Variants in ZIM3 observed in about 807,000 individuals in gnomAD.
The protein encoded by ZIM3 is zinc finger imprinted 3.
A neutral mutation model predicts 12.9 loss-of-function variants in ZIM3; 11 were observed. The ratio of observed to expected loss-of-function variants is 0.85; its 90% CI spans 0.54 to 1.41. The LOEUF is 1.41. Ranked by LOEUF, ZIM3 falls within the 40% of genes most tolerant of loss-of-function variation. The probability of loss-of-function intolerance (pLI) is 0.00; values close to 1 mark genes in which losing one functional copy is unlikely to be tolerated. For synonymous variants in ZIM3, 205 were observed against 198.5 expected (o/e 1.03, Z -0.28); for missense variants, 604 against 557.2 (o/e 1.08, Z -0.85).
In ZIM3 at chr19:57,136,039, G is replaced by C; in HGVS notation, c.298C>G (p.Leu100Val). The C allele has an allele frequency of 6.2e-7, 1 of 1,614,068 alleles. No homozygotes were observed. Among genetic ancestry groups the C allele is most frequent in the Non-Finnish European group, 8.5e-7 (1 of 1,180,000 alleles). Residue 100 changes from leucine to valine, a missense_variant, in exon 5 of 5, where the codon CTC becomes GTC. Physicochemically the swap from Leu to Val is conservative, Grantham distance 32 (BLOSUM62 1). Transcript: ENST00000269834. ...TTGATTGATGGGACTTCTCTTGCGAGACTCTCTTTCACATCCTTTGGCTTC... is the reference window on the plus strand; with the variant it reads ...TTGATTGATGGGACTTCTCTTGCGACACTCTCTTTCACATCCTTTGGCTTC... ...IWKPKDVKES[L>V]AREVPSINKE...
intron 3 of ZIM3, 62 bp downstream of exon 3, chr19:57,138,410 G>T: frequency 1.2e-6 from 2 of 1,611,566 alleles, no homozygotes; most frequent in South Asian, 1.1e-5. Flanking sequence ...GGCCAGCCAT[G>T]GGGTGTCTGT....
At chr19:57,138,112 C>A (rs1298699880) in intron 3 of ZIM3, among the ~76,000 whole-genome samples, 4 of 12,582 alleles carry the variant, frequency 3.2e-4, no homozygotes, top group Non-Finnish European at 5.3e-4. Context: ...GGGAAGGAGG[C>A]AGGGAGGGAG....
rs565341168 is a variant in ZIM3 at position 57,136,956 on chromosome 19, G to A, written c.158C>T (p.Thr53Ile). 15 of 1,614,166 alleles carry A rather than the reference G, an allele frequency of 9.3e-6. No individual in the cohort carries two copies. In the African/African-American group the frequency reaches 1.6e-4, roughly 17 times the overall value. Residue 53 changes from threonine to isoleucine, a missense_variant, in exon 4 of 5, where the codon ACC (threonine) becomes ATC (isoleucine). Transcript: ENST00000269834. The stretch of plus-strand genomic sequence containing the variant: ...CAACCTCAAGATCACATCGGGTTTG[G>A]TGGTTTCCCCTTGTCCTGTGATGGA... Reference protein sequence around the residue: ...NLVSVGQGETTKPDVILRLEQ... With the variant: ...NLVSVGQGETIKPDVILRLEQ...
chr19:57,143,344 A>AAGG (rs1555756672), intron 1 of ZIM3, among the ~76,000 whole-genome samples: 48 of 146,874 alleles, frequency 3.3e-4, no homozygotes, highest in East Asian at 8.9e-4. Flanking sequence ...AAAAAAAAAA[A>AAGG]AGAGAGAGAG....
At chr19:57,140,107 T>C (rs2122667266) in intron 2 of ZIM3, among the ~76,000 whole-genome samples, 1 of 152,352 alleles carries the variant, frequency 6.6e-6, no homozygotes, top group South Asian at 2.1e-4. Flanking sequence ...AGTGTCCTCT[T>C]GGACAGATAA....
At chr19:57,137,021 T>C (rs2086890237) in intron 3 of ZIM3, 50 bp from the exon 4 acceptor site, 1 of 1,577,672 alleles carries the variant, frequency 6.3e-7, no homozygotes, top group Non-Finnish European at 8.7e-7. Context: ...GTGTGAGTTG[T>C]TTGTGCAAGT....
chr19:57,139,465 C>T (rs1426733998), intron 2 of ZIM3, among the ~76,000 whole-genome samples: 3 of 152,090 alleles, frequency 2.0e-5, no homozygotes, highest in African/African-American at 4.8e-5. Flanking sequence ...GTGGCTCACA[C>T]CTATAATCCC....
chr19:57,141,529 A>G (rs1196380578), intron 2 of ZIM3, among the ~76,000 whole-genome samples: 2 of 151,748 alleles, frequency 1.3e-5, no homozygotes, highest in African/African-American at 4.8e-5. Flanking sequence ...GGATAAACAT[A>G]GAAATTGACC....
Position 57,136,014 on chromosome 19 carries a change from T to C in ZIM3, c.323A>G (p.Asn108Ser). 11 of 1,614,194 alleles carry C rather than the reference T, an allele frequency of 6.8e-6. No individual in the cohort carries two copies. Among genetic ancestry groups the C allele is most frequent in the Non-Finnish European group, 9.3e-6 (11 of 1,180,030 alleles). ...TTTCTGCGTAGTCAGCGTTTCCTTA[T>C]TGATTGATGGGACTTCTCTTGCGAG... Reference protein sequence around the residue: ...ESLAREVPSINKETLTTQKGV... With the variant: ...ESLAREVPSISKETLTTQKGV... The change falls in exon 5 of 5, where the codon AAT (asparagine) becomes AGT (serine). Residue 108 changes from asparagine to serine, a missense_variant. Coordinates refer to ENST00000269834, the MANE Select transcript of ZIM3 (RefSeq NM_052882.1).
chr19:57,137,438 C>T (rs1286081302), intron 3 of ZIM3, among the ~76,000 whole-genome samples: 3 of 151,560 alleles, frequency 2.0e-5, no homozygotes, highest in East Asian at 1.9e-4. Flanking sequence ...TGACGCCAGG[C>T]GTGGTGGTTC....
At position 57,135,906 on chromosome 19, in the gene ZIM3, T is replaced by A; in HGVS notation, c.431A>T (p.Asn144Ile). 6.2e-7 allele frequency: 1 copy of A among 1,614,140 alleles called. No homozygotes were observed. Among genetic ancestry groups the A allele is most frequent in the East Asian group, 2.2e-5 (1 of 44,866 alleles). ...TCTGTATCCATTATCATCGTGAGAA[T>A]TATTTTGTACATAGTGTTGCAAGGA... ...VSSLQHYVQN[N>I]SHDDNGYRKL... The change falls in exon 5 of 5, where the codon AAT becomes ATT. Residue 144 changes from asparagine (N) to isoleucine (I), a missense_variant. Transcript: ENST00000269834.
chr19:57,135,495 C>T lies in ZIM3; in HGVS notation c.842G>A (p.Cys281Tyr), dbSNP rs759355167. Residue 281 changes from cysteine to tyrosine, a missense_variant, in exon 5 of 5, where the codon TGT becomes TAT. Physicochemically the swap from Cys to Tyr is radical, Grantham distance 194. Transcript: ENST00000269834. The part of the protein sequence containing the change: ...KIHNAKKSYQ[C>Y]NECEKSFRQN... Reference sequence around the variant, plus strand: ...CCTGAAGGATTTCTCACATTCATTACACTGATAGGATTTCTTGGCATTATG... The same window carrying T: ...CCTGAAGGATTTCTCACATTCATTATACTGATAGGATTTCTTGGCATTATG... The T allele has an allele frequency of 6.2e-7, 1 of 1,614,072 alleles. No homozygotes were observed. Among genetic ancestry groups the T allele is most frequent in the Non-Finnish European group, 8.5e-7 (1 of 1,180,016 alleles).
intron 4 of ZIM3, among the ~76,000 whole-genome samples, 156 bp from the exon 5 acceptor site, chr19:57,136,251 T>C (rs1175022746): frequency 6.6e-6 from 1 of 152,216 alleles, no homozygotes; most frequent in African/African-American, 2.4e-5. Flanking sequence ...GAGTTCTATG[T>C]GAGCTAATGT....
chr19:57,141,639 T>G (rs1421123707), intron 2 of ZIM3, among the ~76,000 whole-genome samples: 3 of 151,836 alleles, frequency 2.0e-5, no homozygotes, highest in Non-Finnish European at 4.4e-5. Flanking sequence ...TCACCTGAGG[T>G]CAAGATTTCG....
At chr19:57,138,684 C>T (rs2086900980) in intron 2 of ZIM3, 86 bp from the exon 3 acceptor site, 2 of 1,507,968 alleles carry the variant, frequency 1.3e-6, no homozygotes, top group African/African-American at 1.4e-5. Context: ...CTGAACCAAG[C>T]TTTAATCATG....
Position 57,134,814 on chromosome 19 carries a change from C to T in ZIM3, c.*104G>A. On this transcript the variant is annotated 3_prime_UTR_variant, in exon 5 of 5. Transcript: ENST00000269834. The stretch of plus-strand genomic sequence containing the variant: ...TACTGTGATAATAAGTCCTCGCTAC[C>T]TTCAAAAATAGCCTCCAAATTAGAG... 2.4e-6 allele frequency: 3 copies of T among 1,239,544 alleles called. No individual in the cohort carries two copies. Among genetic ancestry groups the T allele is most frequent in the Non-Finnish European group, 3.4e-6 (3 of 886,692 alleles). 76.8% of individuals were successfully genotyped at this position (1,239,544 alleles called of 1,614,324 possible).
In ZIM3 at chr19:57,136,927, G is replaced by A; in HGVS notation, c.187C>T (p.Gln63Ter). 1 of 1,614,100 alleles carries A rather than the reference G, an allele frequency of 6.2e-7. No homozygotes were observed. The highest frequency in any genetic ancestry group is 8.5e-7 in the Non-Finnish European group (1 of 1,180,036). The change falls in exon 4 of 5, where the codon CAA (glutamine) becomes TAA (stop). Residue 63 changes from glutamine (Q) to a stop codon, truncating the protein, a stop_gained. Coordinates refer to ENST00000269834, the MANE Select transcript of ZIM3 (RefSeq NM_052882.1). LOFTEE classifies it high-confidence loss of function. ...TCCTCCAACCATGGCTCCTTTCCTT[G>A]TTCCAACCTCAAGATCACATCGGGT... ...TKPDVILRLE[Q>*]GKEPWLEEEE...
At position 57,135,041 on chromosome 19, in the gene ZIM3, T is replaced by C; in HGVS notation, c.1296A>G (p.Leu432=). ...SECGKTFIRK[L]NLSLHKKTHT... is the part of the protein sequence containing the mutation. ...GGGTTTTTTTATGCAAACTAAGGTTTAATTTCCGGATGAAGGTTTTTCCAC... is the reference window on the plus strand; with the variant it reads ...GGGTTTTTTTATGCAAACTAAGGTTCAATTTCCGGATGAAGGTTTTTCCAC... The change falls in exon 5 of 5, where the codon TTA becomes TTG. Residue 432 remains leucine (L), a synonymous_variant. Coordinates refer to ENST00000269834, the MANE Select transcript of ZIM3 (RefSeq NM_052882.1). 6.2e-7 allele frequency: 1 copy of C among 1,614,182 alleles called. No individual in the cohort carries two copies. The highest frequency in any genetic ancestry group is 8.5e-7 in the Non-Finnish European group (1 of 1,180,036).
intron 2 of ZIM3, among the ~76,000 whole-genome samples, chr19:57,142,038 T>A (rs986190617): frequency 6.6e-6 from 1 of 152,066 alleles, no homozygotes; most frequent in Non-Finnish European, 1.5e-5. Context: ...CTACGGCAGC[T>A]GATTAAAGCT....
Sources: gnomAD v4.1 joint callset for allele counts (sites outside exome capture counted in the v4.1 genomes callset) on GRCh38, gnomAD v4.1.1 for gene constraint, MANE v1.5 for transcripts, NCBI Gene and HGNC (gene_info 2026-07-23, HGNC 2026-07-21) for gene names.